Variants in AP2A1 observed in about 807,000 individuals in gnomAD.
The protein encoded by AP2A1 is AP-2 complex subunit alpha-1.
Under a neutral mutation model 107.3 loss-of-function variants are expected in AP2A1, and 21 were observed. The observed-to-expected ratio is 0.20, with a 90% confidence interval of 0.14 to 0.28. The LOEUF (loss-of-function observed/expected upper bound fraction) is 0.28, where lower values mean the gene tolerates loss of function less well. Among genes scored for constraint, AP2A1 ranks in the 10% least tolerant of loss-of-function variants. The pLI is 1.00. For missense variants in AP2A1, 873 were observed against 1,307.7 expected (o/e 0.67, Z 5.13); for synonymous variants, 602 against 564.8 (o/e 1.07, Z -0.93).
At chr19:49,786,774 C>T (rs902514457) in intron 4 of AP2A1, among the ~76,000 whole-genome samples, 3 of 152,106 alleles carry the variant, frequency 2.0e-5, no homozygotes, top group African/African-American at 7.2e-5. Context: ...TACAAGCCAC[C>T]CTGAAGAGGG....
rs944405282 is a variant in AP2A1 at position 49,806,022 on chromosome 19, C to T, written c.2655+81C>T. The stretch of plus-strand genomic sequence containing the variant: ...CTGTTTTCCCATCTGTAAAGTGGGG[C>T]CAATTCCCATCCCCAAGGGTTTTTT... On this transcript the variant is annotated intron_variant, in intron 21 of 22. Coordinates refer to ENST00000354293, the MANE Select transcript of AP2A1 (RefSeq NM_130787.3). 12 of 1,610,212 alleles carry T rather than the reference C, an allele frequency of 7.5e-6. No homozygotes were observed. In the South Asian group the frequency reaches 1.2e-4, roughly 16 times the overall value.
chr19:49,767,938 C>T (rs2084520097), intron 1 of AP2A1, among the ~76,000 whole-genome samples: 1 of 151,820 alleles, frequency 6.6e-6, no homozygotes, highest in South Asian at 2.1e-4. Flanking sequence ...AGGAAAAGAG[C>T]TGTCGGTGTA....
intron 18 of AP2A1, chr19:49,803,733 T>A (rs1834697319): frequency 2.7e-6 from 1 of 364,934 alleles, no homozygotes; most frequent in Non-Finnish European, 5.3e-6. Context: ...CAGACGCTGA[T>A]CAGGCCTGAT....
At chr19:49,774,251 C>G (rs764480871) in intron 1 of AP2A1, among the ~76,000 whole-genome samples, 3 of 152,188 alleles carry the variant, frequency 2.0e-5, no homozygotes, top group Non-Finnish European at 4.4e-5. Context: ...GCCCTGGGCC[C>G]TGGGAACACT....
Position 49,788,089 on chromosome 19 carries a change from G to A in AP2A1, c.474-3846G>A, listed in dbSNP as rs1435592497. On this transcript the variant is annotated intron_variant, in intron 4 of 22. Coordinates refer to ENST00000354293, the MANE Select transcript of AP2A1 (RefSeq NM_130787.3). This position sits in a 1 kb window ranked among gnomAD's most constrained non-coding sequence, Gnocchi z 4.5. ...AGCCACTCCAGCAGCCGGGACTACAGGCACAAGCCACCAGGCCTGGCTAAT... is the reference window on the plus strand; with the variant it reads ...AGCCACTCCAGCAGCCGGGACTACAAGCACAAGCCACCAGGCCTGGCTAAT... Among the ~76,000 whole-genome samples the A allele has an allele frequency of 1.3e-5, 2 of 152,182 alleles. No individual in the cohort carries two copies. The highest frequency in any genetic ancestry group is 4.8e-5 in the African/African-American group (2 of 41,442).
In AP2A1 at chr19:49,803,348, T is replaced by C; in HGVS notation, c.2316T>C (p.Thr772=). The C allele has an allele frequency of 1.2e-6, 2 of 1,613,866 alleles. No individual in the cohort carries two copies. Among genetic ancestry groups the C allele is most frequent in the Non-Finnish European group, 1.7e-6 (2 of 1,179,860 alleles). The change falls in exon 18 of 23, where the codon ACT becomes ACC. Residue 772 remains threonine, a synonymous_variant. Transcript: ENST00000354293. ...TSVQFQNFSP[T]VVHPGDLQTQ... Reference sequence around the variant, plus strand: ...TGCAGTTCCAGAATTTCTCACCCACTGTGGTTCACCCGGGAGACCTCCAGA... The same window carrying C: ...TGCAGTTCCAGAATTTCTCACCCACCGTGGTTCACCCGGGAGACCTCCAGA...
chr19:49,796,079 C>A, intron 7 of AP2A1: 1 of 293,096 alleles, frequency 3.4e-6, no homozygotes, highest in Non-Finnish European at 6.6e-6. Context: ...CAGCGTCACT[C>A]ACCCGGTCAG....
At chr19:49,774,981 T>C (rs1166618442) in intron 1 of AP2A1, among the ~76,000 whole-genome samples, 1 of 151,766 alleles carries the variant, frequency 6.6e-6, no homozygotes, top group African/African-American at 2.4e-5. Context: ...CCCAGCACTT[T>C]GTGGGGCCGA....
intron 1 of AP2A1, among the ~76,000 whole-genome samples, chr19:49,768,244 C>G (rs1235737222): frequency 1.3e-5 from 2 of 152,032 alleles, no homozygotes; most frequent in Non-Finnish European, 1.5e-5. Flanking sequence ...GATGGGAATC[C>G]TGGCGGCAAG....
intron 15 of AP2A1, 91 bp downstream of exon 15, chr19:49,802,232 C>T (rs774428696): frequency 1.9e-6 from 2 of 1,062,444 alleles, no homozygotes; most frequent in Admixed American, 2.0e-5. Flanking sequence ...GAGCCCCTCC[C>T]CCGCCCCCGA....
chr19:49,768,458 A>AG (rs1305913937), intron 1 of AP2A1, among the ~76,000 whole-genome samples: 1 of 151,998 alleles, frequency 6.6e-6, no homozygotes, highest in Admixed American at 6.6e-5. Context: ...TATCTTCCTG[A>AG]GGGGCTTGTG....
intron 4 of AP2A1, among the ~76,000 whole-genome samples, chr19:49,789,648 G>A (rs559712700): frequency 6.8e-6 from 1 of 147,758 alleles, no homozygotes; most frequent in Non-Finnish European, 1.5e-5. Context: ...TGGCCAGGCC[G>A]GTCTCAAACA....
At chr19:49,782,798 AG>A in intron 4 of AP2A1, 74 bp downstream of exon 4, 1 of 1,470,554 alleles carries the variant, frequency 6.8e-7, no homozygotes, top group Non-Finnish European at 9.1e-7. Context: ...AGGCTCAGAG[AG>A]GCTCTGTTGC....
At chr19:49,799,179 C>A in intron 8 of AP2A1, 148 bp from the exon 9 acceptor site, 1 of 1,144,040 alleles carries the variant, frequency 8.7e-7, no homozygotes, top group Non-Finnish European at 1.2e-6. Flanking sequence ...TTGTCTGGGT[C>A]ACTGGAGGTG....
intron 15 of AP2A1, 196 bp downstream of exon 15, chr19:49,802,337 G>A (rs1457310117): frequency 3.6e-6 from 3 of 825,974 alleles, no homozygotes; most frequent in South Asian, 2.9e-5. Flanking sequence ...TGCCACTCTG[G>A]ACTCCGCCGA....
At position 49,781,889 on chromosome 19, in the gene AP2A1, ACCTAT is replaced by A. The variant is rs1216883875; in HGVS notation, c.137-54_137-50del. The A allele has an allele frequency of 9.6e-6, 15 of 1,565,432 alleles. No individual in the cohort carries two copies. In the African/African-American group the frequency reaches 2.2e-4, roughly 23 times the overall value. ...GGGGCTGGGAGCTGGGGCTCCTGTG[ACCTAT>A]CCTGTGACCCTTCCTTATTTCTGGC... On this transcript the variant is annotated intron_variant, in intron 2 of 22. Transcript: ENST00000354293.
In AP2A1 at chr19:49,782,800, G is replaced by T. The variant is rs1436398433; in HGVS notation, c.473+76G>T. 1.3e-5 allele frequency: 19 copies of T among 1,452,920 alleles called. No homozygotes were observed. In the East Asian group the frequency reaches 4.5e-4, roughly 34 times the overall value. The allele number at this position is 1,452,920 out of a possible 1,614,324, so 90.0% of individuals were successfully genotyped here. On this transcript the variant is annotated intron_variant, in intron 4 of 22. Transcript: ENST00000354293. ...CCAGCCAAGTGTGAGGCTCAGAGAG[G>T]CTCTGTTGCCTGCCCAAGGTCTCCC...
intron 3 of AP2A1, 71 bp from the exon 4 acceptor site, chr19:49,782,460 G>A (rs961583639): frequency 6.7e-7 from 1 of 1,496,852 alleles, no homozygotes; most frequent in Non-Finnish European, 9.0e-7. Flanking sequence ...CTGGACTCCT[G>A]GGTCTGAGGG....
chr19:49,795,592 C>CCTTTTTTTTTTTCTTT, intron 6 of AP2A1, 38 bp from the exon 7 acceptor site: 2 of 854,026 alleles, frequency 2.3e-6, no homozygotes, highest in Non-Finnish European at 3.8e-6. Flanking sequence ...GCCCCTCCCA[C>CCTTTTTTTTTTTCTTT]CCCAGCCCCC....
Sources: allele counts gnomAD v4.1 joint callset (sites outside exome capture counted in the v4.1 genomes callset), GRCh38; gene constraint gnomAD v4.1.1; non-coding constraint Gnocchi (gnomAD v3.1); transcripts MANE v1.5; gene names NCBI Gene and HGNC (gene_info 2026-07-23, HGNC 2026-07-21).